NEDD9: variants seen among roughly 807,000 people sequenced by gnomAD.
NEDD9 encodes enhancer of filamentation 1.
A neutral mutation model predicts 76.6 loss-of-function variants in NEDD9; 26 were observed. That is an observed-to-expected ratio of 0.34 (90% CI 0.25 to 0.47). The LOEUF (loss-of-function observed/expected upper bound fraction) is 0.47, where lower values mean the gene tolerates loss of function less well. Among genes scored for constraint, NEDD9 ranks in the 20% least tolerant of loss-of-function variants. The probability of loss-of-function intolerance (pLI) is 1.00; values close to 1 mark genes in which losing one functional copy is unlikely to be tolerated. For missense variants in NEDD9, 937 were observed against 1,058.5 expected (o/e 0.89, Z 1.59); for synonymous variants, 392 against 414.2 (o/e 0.95, Z 0.65).
At chr6:11,358,058 GC>G (rs1416497878) in intron 1 of NEDD9, among the ~76,000 whole-genome samples, 11 of 152,036 alleles carry the variant, frequency 7.2e-5, no homozygotes, top group Admixed American at 7.2e-4. Flanking sequence ...GATCATCCTG[GC>G]CAACATGGTG....
chr6:11,232,407 C>T lies in NEDD9; in HGVS notation c.12+97G>A, dbSNP rs1218018883. The T allele has an allele frequency of 4.8e-6, 7 of 1,473,602 alleles. No homozygotes were observed. The African/African-American group carries it at 8.3e-5, about 18-fold the overall frequency. The allele number at this position is 1,473,602 out of a possible 1,614,324, so 91.3% of individuals were successfully genotyped here. On this transcript the variant is annotated intron_variant, in intron 1 of 6. Transcript: ENST00000379446. The stretch of plus-strand genomic sequence containing the variant: ...ACTCATCTTAGAACTCTCCGGGACA[C>T]ACAAGGGACTGACAGTAAGGAACAC...
At chr6:11,362,906 A>C (rs992117367) in intron 1 of NEDD9, among the ~76,000 whole-genome samples, 1 of 152,250 alleles carries the variant, frequency 6.6e-6, no homozygotes, top group Non-Finnish European at 1.5e-5. Flanking sequence ...CTAACAACTA[A>C]CAATGCTAAT....
chr6:11,293,162 T>A (rs1165816215), intron 3 of NEDD9, among the ~76,000 whole-genome samples: 1 of 151,986 alleles, frequency 6.6e-6, no homozygotes, highest in Non-Finnish European at 1.5e-5. Flanking sequence ...GCCTTCTTTG[T>A]GTCAAGCATT....
chr6:11,331,768 AC>A (rs1458075603), intron 2 of NEDD9, among the ~76,000 whole-genome samples: 2 of 152,166 alleles, frequency 1.3e-5, no homozygotes, highest in East Asian at 3.8e-4. Flanking sequence ...ATTAAACCTC[AC>A]GGGTAAGTTT....
At chr6:11,254,468 A>G (rs1333469602) in intron 3 of NEDD9, among the ~76,000 whole-genome samples, 1 of 152,156 alleles carries the variant, frequency 6.6e-6, no homozygotes, top group Non-Finnish European at 1.5e-5. Flanking sequence ...TAAAAATTAA[A>G]TATTTCTATT....
In NEDD9 at chr6:11,370,796, C is replaced by A. The variant is rs1762860946; in HGVS notation, c.-214+11343G>T. Among the ~76,000 whole-genome samples the A allele has an allele frequency of 1.3e-5, 2 of 152,216 alleles. No individual in the cohort carries two copies. The highest frequency in any genetic ancestry group is 6.5e-5 in the Admixed American group (1 of 15,280). ...TAACGTCCTTCACCCACCCACGGAG[C>A]CAACGGTTCAGAGGCAGAAACAGAC... On this transcript the variant is annotated intron_variant, in intron 1 of 3. Transcript: ENST00000397378. This position sits in a 1 kb window ranked among gnomAD's most constrained non-coding sequence, Gnocchi z 4.2.
chr6:11,253,805 C>T (rs1759954106), intron 3 of NEDD9, among the ~76,000 whole-genome samples: 1 of 152,196 alleles, frequency 6.6e-6, no homozygotes, highest in Non-Finnish European at 1.5e-5. Context: ...AGCACCCACC[C>T]TCTAAGACAA....
intron 2 of NEDD9, among the ~76,000 whole-genome samples, chr6:11,307,856 C>G (rs1021603444): frequency 6.6e-6 from 1 of 152,124 alleles, no homozygotes; most frequent in Non-Finnish European, 1.5e-5. Flanking sequence ...TACCCTTACC[C>G]CATGCACCGG....
intron 3 of NEDD9, among the ~76,000 whole-genome samples, chr6:11,248,750 C>A (rs747908207): frequency 2.2e-4 from 34 of 152,202 alleles, no homozygotes; most frequent in Admixed American, 3.9e-4. Context: ...CCAGTGCTAC[C>A]CTGATCTCAC....
chr6:11,302,172 G>C (rs941665769), intron 3 of NEDD9, among the ~76,000 whole-genome samples: 1 of 152,086 alleles, frequency 6.6e-6, no homozygotes, highest in Non-Finnish European at 1.5e-5. Context: ...AATAAAAAAT[G>C]ATAAAGGGGA....
intron 1 of NEDD9, among the ~76,000 whole-genome samples, chr6:11,377,040 G>C (rs1762979044): frequency 6.6e-6 from 1 of 152,260 alleles, no homozygotes. Context: ...GTCTGCAGAT[G>C]CTCAGAACGC....
intron 1 of NEDD9, among the ~76,000 whole-genome samples, chr6:11,372,604 A>C (rs976886176): frequency 6.6e-6 from 1 of 152,182 alleles, no homozygotes; most frequent in Non-Finnish European, 1.5e-5. Flanking sequence ...ACTAATTTAC[A>C]TTCCCACTAA....
At chr6:11,333,962 G>C (rs1331410993) in intron 2 of NEDD9, among the ~76,000 whole-genome samples, 5 of 152,164 alleles carry the variant, frequency 3.3e-5, no homozygotes, top group Non-Finnish European at 7.3e-5. Flanking sequence ...GTAAAAAGAA[G>C]GGCTTTAGCC....
chr6:11,346,194 A>C (rs1029257493), intron 1 of NEDD9, among the ~76,000 whole-genome samples: 1 of 152,206 alleles, frequency 6.6e-6, no homozygotes, highest in Admixed American at 6.5e-5. Flanking sequence ...GGCACACAGA[A>C]AGTCTTCAGA....
chr6:11,237,299 T>C (rs1469869098), upstream of NEDD9, among the ~76,000 whole-genome samples: 1 of 152,222 alleles, frequency 6.6e-6, no homozygotes. This position sits in a 1 kb window ranked among gnomAD's most constrained non-coding sequence, Gnocchi z 4.9. Flanking sequence ...CCCTGTCCTG[T>C]TGTATACCTT....
chr6:11,289,654 T>C (rs993164640), intron 3 of NEDD9, among the ~76,000 whole-genome samples: 4 of 152,202 alleles, frequency 2.6e-5, no homozygotes, highest in African/African-American at 9.7e-5. Flanking sequence ...GGTTTCACCA[T>C]GTTACACAGG....
rs1274108274 is a variant in NEDD9, at chr6:11,183,913, G to T, written c.*1249C>A. 2 of 152,222 alleles carry T rather than the reference G, an allele frequency of 1.3e-5. No individual in the cohort carries two copies. The highest frequency in any genetic ancestry group is 4.8e-5 in the African/African-American group (2 of 41,442). 9.4% of individuals were successfully genotyped at this position (152,222 alleles called of 1,614,324 possible). On this transcript the variant is annotated 3_prime_UTR_variant, in exon 7 of 7. Transcript: ENST00000379446. ...CACCTGCCCCATGAAGAACCTGATG[G>T]CTTGTGGTGTCTGTGCTGTGTCAAT...
chr6:11,193,596 G>T lies in NEDD9; in HGVS notation c.556C>A (p.Gln186Lys). 1 of 1,611,090 alleles carries T rather than the reference G, an allele frequency of 6.2e-7. No homozygotes were observed. The highest frequency in any genetic ancestry group is 8.5e-7 in the Non-Finnish European group (1 of 1,177,262). The stretch of plus-strand genomic sequence containing the variant: ...GACCATGTTCTGGTACGCACCCCTT[G>T]AGTGGTATGAGAAGGAGGGATATCA... ...VYDIPPSHTT[Q>K]GVYDIPPSSA... The change falls in exon 3 of 7, where the codon CAA (glutamine) becomes AAA (lysine). Residue 186 changes from glutamine to lysine, a missense_variant. Transcript: ENST00000379446.
Position 11,241,603 on chromosome 6 carries a change from G to A in NEDD9, c.13-27876C>T, listed in dbSNP as rs910657548. ...CACACCAGCCATCCAGCATAGCTCCGGGGGCGGAGGTAGGGACAGTACACA... is the reference window on the plus strand; with the variant it reads ...CACACCAGCCATCCAGCATAGCTCCAGGGGCGGAGGTAGGGACAGTACACA... On this transcript the variant is annotated intron_variant, in intron 3 of 3. Transcript: ENST00000397378. This position sits in a 1 kb window ranked among gnomAD's most constrained non-coding sequence, Gnocchi z 4.0. Among the ~76,000 whole-genome samples, 1 of 152,122 alleles carries A rather than the reference G, an allele frequency of 6.6e-6. No individual in the cohort carries two copies. Among genetic ancestry groups the A allele is most frequent in the African/African-American group, 2.4e-5 (1 of 41,428 alleles).
Sources: allele counts gnomAD v4.1 joint callset (sites outside exome capture counted in the v4.1 genomes callset), GRCh38; gene constraint gnomAD v4.1.1; non-coding constraint Gnocchi (gnomAD v3.1); transcripts MANE v1.5; gene names NCBI Gene and HGNC (gene_info 2026-07-23, HGNC 2026-07-21).